The following SRPK2 variants were observed in gnomAD, a reference collection of about 807,000 sequenced individuals.
SRPK2 encodes the protein SFRS protein kinase 2.
SRPK2 carries 21 observed loss-of-function variants against 90.8 expected under a neutral mutation model. The observed-to-expected ratio is 0.23, with a 90% CI of 0.16 to 0.33. The LOEUF (loss-of-function observed/expected upper bound fraction) is 0.33, where lower values mean the gene tolerates loss of function less well. SRPK2 is among the 10% of genes least tolerant of loss of function. SRPK2 has a pLI of 1.00. For synonymous variants in SRPK2, 288 were observed against 311.1 expected, an observed-to-expected ratio of 0.93 and a Z score of 0.78; for missense variants, 620 against 869.0, an observed-to-expected ratio of 0.71 and a Z score of 3.60.
chr7:105,134,284 G>A (rs926392559), intron 11 of SRPK2, among the ~76,000 whole-genome samples: 4 of 152,110 alleles, frequency 2.6e-5, no homozygotes, highest in Admixed American at 6.5e-5. Flanking sequence ...TGCTGTTCTC[G>A]TGATACTGAG....
In SRPK2 at chr7:105,142,180, G is replaced by A. The variant is rs149460611; in HGVS notation, c.1371C>T (p.Pro457=). 25 of 1,614,128 alleles carry A rather than the reference G, an allele frequency of 1.5e-5. No individual in the cohort carries two copies. The highest frequency in any genetic ancestry group is 6.7e-5 in the East Asian group (3 of 44,886). The change falls in exon 11 of 16, where the codon CCC becomes CCT. Residue 457 remains proline (P), a synonymous_variant. Transcript: ENST00000393651. Reference sequence around the variant, plus strand: ...TGGAAAACTCTGGGAACTGTGACTCGGGAATTTTATGTCGTCCATTTGGCA... The same window carrying A: ...TGGAAAACTCTGGGAACTGTGACTCAGGAATTTTATGTCGTCCATTTGGCA... The part of the protein sequence containing the change: ...GELPNGRHKI[P]ESQFPEFSTS...
intron 2 of SRPK2, among the ~76,000 whole-genome samples, chr7:105,313,642 T>A (rs777306090): frequency 6.6e-6 from 1 of 151,674 alleles, no homozygotes; most frequent in Non-Finnish European, 1.5e-5. Flanking sequence ...TCCCAGCTAC[T>A]TGGGAGGCTG....
chr7:105,242,381 GC>G (rs1800931698), intron 2 of SRPK2, among the ~76,000 whole-genome samples: 1 of 152,040 alleles, frequency 6.6e-6, no homozygotes, highest in Non-Finnish European at 1.5e-5. Flanking sequence ...GGGTGGTGGT[GC>G]ACACCTGTAT....
intron 2 of SRPK2, among the ~76,000 whole-genome samples, chr7:105,206,817 G>A (rs904849012): frequency 2.0e-5 from 3 of 152,076 alleles, no homozygotes; most frequent in Admixed American, 6.5e-5. Flanking sequence ...TTTTATACAC[G>A]AGTATTTCTA....
chr7:105,197,266 G>C (rs1383421910), intron 3 of SRPK2, among the ~76,000 whole-genome samples: 2 of 152,160 alleles, frequency 1.3e-5, no homozygotes, highest in Non-Finnish European at 2.9e-5. Flanking sequence ...CATCTGACAT[G>C]CTTCTAGTGT....
chr7:105,170,802 A>C (rs1227704545), intron 3 of SRPK2, among the ~76,000 whole-genome samples: 54 of 96,954 alleles, frequency 5.6e-4, no homozygotes, highest in East Asian at 1.0e-3. Context: ...GGAGGGAGGG[A>C]GGGAGAGAGA....
At chr7:105,398,792 G>T (rs1409597118) in intron 1 of SRPK2, among the ~76,000 whole-genome samples, 1 of 152,184 alleles carries the variant, frequency 6.6e-6, no homozygotes, top group Non-Finnish European at 1.5e-5. Flanking sequence ...GAGCCAGACT[G>T]CCAGAGTTCA....
intron 3 of SRPK2, among the ~76,000 whole-genome samples, chr7:105,201,598 A>C (rs1390518388): frequency 6.6e-6 from 1 of 151,864 alleles, no homozygotes; most frequent in Non-Finnish European, 1.5e-5. Flanking sequence ...AACAGCTCCT[A>C]AAGAATGGTT....
At chr7:105,143,370 TA>T in intron 9 of SRPK2, 40 bp from the exon 10 acceptor site, 1 of 1,591,286 alleles carries the variant, frequency 6.3e-7, no homozygotes, top group Non-Finnish European at 8.5e-7. Flanking sequence ...TTCTTCTTTT[TA>T]AAGCACCACG....
intron 2 of SRPK2, among the ~76,000 whole-genome samples, chr7:105,320,902 C>T: frequency 6.6e-6 from 1 of 152,176 alleles, no homozygotes; most frequent in Non-Finnish European, 1.5e-5. Context: ...GTGATCATAG[C>T]TCACTGTTGC....
chr7:105,317,599 T>A (rs1016418766), intron 2 of SRPK2, among the ~76,000 whole-genome samples: 1 of 152,152 alleles, frequency 6.6e-6, no homozygotes, highest in Non-Finnish European at 1.5e-5. Context: ...GAACACAGGA[T>A]GGGGTTGAAT....
intron 2 of SRPK2, among the ~76,000 whole-genome samples, chr7:105,332,353 T>C (rs10228503): frequency 0.17 from 25,552 of 152,178 alleles, 2,823 homozygotes; most frequent in East Asian, 0.58. Flanking sequence ...CTCATAACTT[T>C]GGACTCAGAT....
In SRPK2 at chr7:105,142,252, T is replaced by G; in HGVS notation, c.1299A>C (p.Glu433Asp). 2 of 1,614,152 alleles carry G rather than the reference T, an allele frequency of 1.2e-6. No individual in the cohort carries two copies. The highest frequency in any genetic ancestry group is 1.1e-5 in the South Asian group (1 of 91,082). Residue 433 changes from glutamate (E) to aspartate (D), a missense_variant, in exon 11 of 16, where the codon GAA becomes GAC. Around this residue, in one of 8 missense-constraint regions of SRPK2, gnomAD observed 243 missense variants for 245.7 expected, o/e 0.99. Transcript: ENST00000393651. ...AGGAGCTGCTATATGTGTAATCACT[T>G]TCTGCATTTGGCTCATCAAGATTAT... ...EEYNLDEPNAESDYTYSSSYE... is the reference protein window; with the variant it reads ...EEYNLDEPNADSDYTYSSSYE...
intron 11 of SRPK2, among the ~76,000 whole-genome samples, chr7:105,138,608 G>A (rs2129575963): frequency 6.6e-6 from 1 of 152,246 alleles, no homozygotes; most frequent in African/African-American, 2.4e-5. Flanking sequence ...GGACTGGCAT[G>A]GGCAACATGG....
intron 9 of SRPK2, among the ~76,000 whole-genome samples, chr7:105,144,761 A>G (rs998128912): frequency 1.3e-5 from 2 of 152,220 alleles, no homozygotes; most frequent in Non-Finnish European, 2.9e-5. Context: ...TGCATAAAGA[A>G]GACAATTTTT....
chr7:105,311,590 T>C (rs913772906), intron 2 of SRPK2, among the ~76,000 whole-genome samples: 1 of 152,076 alleles, frequency 6.6e-6, no homozygotes, highest in Non-Finnish European at 1.5e-5. Flanking sequence ...CAAAAACACA[T>C]GAAAAGATGC....
At chr7:105,191,435 G>C (rs1794266778) in intron 3 of SRPK2, among the ~76,000 whole-genome samples, 1 of 152,124 alleles carries the variant, frequency 6.6e-6, no homozygotes, top group South Asian at 2.1e-4. Flanking sequence ...GCCAGGCATG[G>C]TGATGCAGAC....
At chr7:105,204,785 A>C in intron 2 of SRPK2, 3 of 529,316 alleles carry the variant, frequency 5.7e-6, no homozygotes, top group South Asian at 4.8e-5. Flanking sequence ...CACACCATGC[A>C]CCTGCTGTCA....
At chr7:105,347,498 T>C (rs1240983428) in intron 2 of SRPK2, among the ~76,000 whole-genome samples, 1 of 152,062 alleles carries the variant, frequency 6.6e-6, no homozygotes, top group Non-Finnish European at 1.5e-5. Context: ...ACAGACTGGC[T>C]TATAAATATG....
Sources: gnomAD v4.1 joint callset for allele counts (sites outside exome capture counted in the v4.1 genomes callset) on GRCh38, gnomAD v4.1.1 for gene constraint, gnomAD v4.1.1 regional missense constraint, MANE v1.5 for transcripts, NCBI Gene and HGNC (gene_info 2026-07-23, HGNC 2026-07-21) for gene names.